Variants in MALRD1 observed in about 807,000 individuals in gnomAD.
MALRD1 encodes MAM and LDL receptor class A domain containing 1.
A neutral mutation model predicts 242.1 loss-of-function variants in MALRD1; 247 were observed. That is an observed-to-expected ratio of 1.02 (90% CI 0.92 to 1.13). MALRD1 has a LOEUF of 1.13. Ranked by LOEUF, MALRD1 falls within the 50% of genes most tolerant of loss-of-function variation. The pLI is 0.00. For synonymous variants in MALRD1, 995 were observed against 866.6 expected (o/e 1.15, Z -2.60); for missense variants, 2,989 against 2,533.1 (o/e 1.18, Z -3.86).
intron 26 of MALRD1, among the ~76,000 whole-genome samples, chr10:19,362,482 G>A (rs139695713): frequency 1.4e-4 from 22 of 152,228 alleles, no homozygotes; most frequent in Middle Eastern, 3.4e-3. Context: ...ACTTGAAGGA[G>A]ATATGGAAAT....
rs775457702 is a variant in MALRD1 at position 19,450,532 on chromosome 10, A to G, written c.5029+42A>G. ...CACTTCCATTTGGAAGCACATTTTT[A>G]ATCTAGCCATTTTATTTTTGTTACA... is the stretch of plus-strand genomic sequence containing the variant. On this transcript the variant is annotated intron_variant, in intron 29 of 39. Coordinates refer to ENST00000454679, the MANE Select transcript of MALRD1 (RefSeq NM_001142308.3). 32 of 1,467,174 alleles carry G rather than the reference A, an allele frequency of 2.2e-5. No individual in the cohort carries two copies. In the South Asian group the frequency reaches 3.9e-4, roughly 18 times the overall value. The allele number at this position is 1,467,174 out of a possible 1,614,324, so 90.9% of individuals were successfully genotyped here.
At chr10:19,691,149 G>GA (rs1842800844) in intron 36 of MALRD1, among the ~76,000 whole-genome samples, 1 of 152,006 alleles carries the variant, frequency 6.6e-6, no homozygotes, top group South Asian at 2.1e-4. Flanking sequence ...GATTGTGAGG[G>GA]AAAAAAACAA....
At chr10:19,560,924 G>A (rs1000973477) in intron 32 of MALRD1, among the ~76,000 whole-genome samples, 7 of 151,896 alleles carry the variant, frequency 4.6e-5, no homozygotes, top group African/African-American at 1.5e-4. Flanking sequence ...AAACCTGCAG[G>A]TTCTGCACAT....
chr10:19,726,918 G>C (rs559382076), intron 38 of MALRD1, among the ~76,000 whole-genome samples: 1 of 152,284 alleles, frequency 6.6e-6, no homozygotes, highest in South Asian at 2.1e-4. Flanking sequence ...AGGTAAATCA[G>C]AATTTACCTG....
At chr10:19,727,878 A>T (rs937888959) in intron 38 of MALRD1, among the ~76,000 whole-genome samples, 4 of 151,964 alleles carry the variant, frequency 2.6e-5, no homozygotes, top group African/African-American at 9.7e-5. Flanking sequence ...GTAAGGATCC[A>T]CCATTTTAAG....
intron 32 of MALRD1, among the ~76,000 whole-genome samples, chr10:19,535,077 C>A (rs7098515): frequency 6.6e-6 from 1 of 151,840 alleles, no homozygotes; most frequent in African/African-American, 2.4e-5. Context: ...GTAGAGATGG[C>A]GTTTCACCAT....
chr10:19,505,797 G>A (rs1303674233), intron 31 of MALRD1, among the ~76,000 whole-genome samples: 1 of 152,182 alleles, frequency 6.6e-6, no homozygotes, highest in Non-Finnish European at 1.5e-5. Context: ...GGGAAGGGCA[G>A]TCTAAAGAAA....
intron 32 of MALRD1, among the ~76,000 whole-genome samples, chr10:19,554,085 G>A (rs758659275): frequency 3.2e-4 from 48 of 152,188 alleles, no homozygotes; most frequent in Middle Eastern, 3.2e-3. Flanking sequence ...AGCAGAAGAT[G>A]TAATAAGTAG....
At chr10:19,259,958 G>T (rs144176860) in intron 19 of MALRD1, among the ~76,000 whole-genome samples, 5 of 152,076 alleles carry the variant, frequency 3.3e-5, no homozygotes, top group African/African-American at 1.2e-4. Flanking sequence ...ATGAGAGCAG[G>T]TATATCACCT....
chr10:19,469,089 G>T (rs1287576385), intron 29 of MALRD1, among the ~76,000 whole-genome samples: 1 of 152,030 alleles, frequency 6.6e-6, no homozygotes, highest in African/African-American at 2.4e-5. Context: ...TTCTCTCTGG[G>T]TATGGGGTCC....
chr10:19,114,689 C>T (rs948559030), intron 5 of MALRD1, among the ~76,000 whole-genome samples: 3 of 152,144 alleles, frequency 2.0e-5, no homozygotes, highest in African/African-American at 7.2e-5. Flanking sequence ...TATGCACCTG[C>T]CCTACACACC....
intron 1 of MALRD1, among the ~76,000 whole-genome samples, chr10:19,052,848 GC>G (rs368954824): frequency 1.3e-5 from 2 of 152,158 alleles, no homozygotes; most frequent in East Asian, 1.9e-4. Context: ...GGAATTCAGG[GC>G]TTTTGGCATA....
At chr10:19,514,513 T>C (rs1354059897) in intron 31 of MALRD1, among the ~76,000 whole-genome samples, 2 of 152,182 alleles carry the variant, frequency 1.3e-5, no homozygotes, top group Non-Finnish European at 2.9e-5. Flanking sequence ...ATTTAGACTT[T>C]GATTTTGGGA....
chr10:19,718,113 A>G (rs865858991), intron 38 of MALRD1, among the ~76,000 whole-genome samples: 8 of 149,496 alleles, frequency 5.4e-5, no homozygotes, highest in Non-Finnish European at 1.0e-4. Context: ...AAGAGGAAGA[A>G]GAAGAAGAAG....
intron 38 of MALRD1, among the ~76,000 whole-genome samples, chr10:19,718,047 GGAA>G (rs1432340828): frequency 2.2e-5 from 3 of 137,902 alleles, no homozygotes; most frequent in Non-Finnish European, 3.1e-5. Flanking sequence ...AAGAAGAAGA[GGAA>G]GAAGAAGAGG....
At position 19,565,902 on chromosome 10, in the gene MALRD1, T is replaced by G. The variant is rs544255657; in HGVS notation, c.5479-1600T>G. Among the ~76,000 whole-genome samples, 15 of 152,282 alleles carry G rather than the reference T, an allele frequency of 9.9e-5. No individual in the cohort carries two copies. In the South Asian group the frequency reaches 3.1e-3, roughly 32 times the overall value. ...GGGCAAGTTTTAAATTTTTCTTTAG[T>G]TTATAATCATCTTGATTTATTTTTG... On this transcript the variant is annotated intron_variant, in intron 32 of 39. Coordinates refer to ENST00000454679, the MANE Select transcript of MALRD1 (RefSeq NM_001142308.3).
intron 14 of MALRD1, among the ~76,000 whole-genome samples, chr10:19,194,701 A>G (rs1836153033): frequency 6.6e-6 from 1 of 152,146 alleles, no homozygotes; most frequent in African/African-American, 2.4e-5. Flanking sequence ...ATTTTATATG[A>G]CAGCTTTCCA....
chr10:19,611,422 TC>T (rs1366869886), intron 35 of MALRD1, among the ~76,000 whole-genome samples: 1 of 152,022 alleles, frequency 6.6e-6, no homozygotes, highest in East Asian at 1.9e-4. Context: ...ATATGCATGT[TC>T]CTGCTTTTCC....
intron 19 of MALRD1, among the ~76,000 whole-genome samples, chr10:19,258,680 C>G (rs542457944): frequency 6.6e-6 from 1 of 152,296 alleles, no homozygotes; most frequent in South Asian, 2.1e-4. Flanking sequence ...ATCCTACCCA[C>G]CACTCAGCAT....
Sources: allele counts gnomAD v4.1 joint callset (sites outside exome capture counted in the v4.1 genomes callset), GRCh38; gene constraint gnomAD v4.1.1; transcripts MANE v1.5; gene names NCBI Gene and HGNC (gene_info 2026-07-23, HGNC 2026-07-21).